KLC4: variants seen among roughly 807,000 people sequenced by gnomAD.
KLC4 encodes kinesin light chain 4, also known as kinesin-like protein 8.
Under a neutral mutation model 77.2 loss-of-function variants are expected in KLC4, and 49 were observed. That is an observed-to-expected ratio of 0.63 (90% confidence interval 0.50 to 0.80). The LOEUF (loss-of-function observed/expected upper bound fraction) is 0.80. Among genes scored for constraint, KLC4 ranks in the 30% least tolerant of loss-of-function variants. The pLI is 0.00. For synonymous variants in KLC4, 274 were observed against 314.5 expected (o/e 0.87, Z 1.36); for missense variants, 669 against 793.5 (o/e 0.84, Z 1.89).
At chr6:43,066,258 G>A (rs373480855) in intron 4 of KLC4, 48 bp from the exon 5 acceptor site, 38 of 1,511,090 alleles carry the variant, frequency 2.5e-5, no homozygotes, top group Non-Finnish European at 3.3e-5. Flanking sequence ...AGGGCAGACA[G>A]CAAAGGGGAG....
chr6:43,066,086 A>G (rs1186909538), intron 4 of KLC4, among the ~76,000 whole-genome samples: 1 of 152,210 alleles, frequency 6.6e-6, no homozygotes, highest in Non-Finnish European at 1.5e-5. Context: ...CTTATTAAAT[A>G]AATGTTTGTT....
Position 43,072,268 on chromosome 6 carries a change from G to C in KLC4, c.1488+13G>C, listed in dbSNP as rs1765772922. 6.3e-7 allele frequency: 1 copy of C among 1,594,028 alleles called. No homozygotes were observed. The highest frequency in any genetic ancestry group is 8.6e-7 in the Non-Finnish European group (1 of 1,161,772). On this transcript the variant is annotated intron_variant, in intron 12 of 15. Coordinates refer to ENST00000347162, the MANE Select transcript of KLC4 (RefSeq NM_201521.3). ...GTCCCGGAGACAGGTCAGAAGCCCA[G>C]AGGGGAAGGAGGTCCTAGAGGGAAG...
Position 43,072,241 on chromosome 6 carries a change from C to A in KLC4, c.1474C>A (p.Arg492=). The A allele has an allele frequency of 6.2e-7, 1 of 1,613,532 alleles. No individual in the cohort carries two copies. Among genetic ancestry groups the A allele is most frequent in the Non-Finnish European group, 8.5e-7 (1 of 1,179,572 alleles). Residue 492 remains arginine, a synonymous_variant, in exon 12 of 16, where the codon CGG becomes AGG. Transcript: ENST00000347162. ...AAETLEECAL[R]SRRQGTDPIS... is the part of the protein sequence containing the mutation. ...TGAGACCCTGGAGGAATGTGCCCTG[C>A]GGTCCCGGAGACAGGTCAGAAGCCC...
intron 7 of KLC4, 32 bp from the exon 8 acceptor site, chr6:43,070,657 CATA>C (rs753942054): frequency 6.3e-7 from 1 of 1,584,734 alleles, no homozygotes; most frequent in Non-Finnish European, 8.6e-7. Context: ...CACATGTTAT[CATA>C]GCCATTTATC....
rs754261145 is a variant in KLC4, at chr6:43,066,289, G to A, written c.572-17G>A. ...GGGAGAGGAAGAGTCCTTTGTTTAT[G>A]TTCTGTGATGGTTTAGTGTCCCGTG... On this transcript the variant is annotated splice_polypyrimidine_tract_variant and intron_variant, in intron 4 of 15. Transcript: ENST00000347162. 1.4e-4 allele frequency: 222 copies of A among 1,606,262 alleles called. No homozygotes were observed. The highest frequency in any genetic ancestry group is 1.6e-4 in the Non-Finnish European group (190 of 1,173,018).
Position 43,067,101 on chromosome 6 carries a change from T to TGCCCCCCCCC in KLC4, c.879+18_879+19insGCCCCCCCCC. ...ATCCTGCTGTCAGTATTCCTTGCCC[T>TGCCCCCCCCC]CCCCACCCCACGCCCCGCACCCCCC... On this transcript the variant is annotated intron_variant, in intron 6 of 15. Transcript: ENST00000347162. 1.3e-6 allele frequency: 2 copies of TGCCCCCCCCC among 1,584,700 alleles called. No individual in the cohort carries two copies. Among genetic ancestry groups the TGCCCCCCCCC allele is most frequent in the Non-Finnish European group, 1.7e-6 (2 of 1,155,616 alleles).
chr6:43,071,756 T>A, intron 10 of KLC4, 96 bp from the exon 11 acceptor site: 1 of 1,479,128 alleles, frequency 6.8e-7, no homozygotes, highest in South Asian at 1.2e-5. Flanking sequence ...CAGCCCAGCC[T>A]GCACCCTAGC....
chr6:43,071,696 A>ATCC, intron 10 of KLC4, 77 bp downstream of exon 10: 1 of 1,506,894 alleles, frequency 6.6e-7, no homozygotes, highest in Non-Finnish European at 9.2e-7. Flanking sequence ...GCATTAGCCC[A>ATCC]ACTCTCACTT....
intron 11 of KLC4, 52 bp from the exon 12 acceptor site, chr6:43,072,095 T>C (rs1172624132): frequency 6.6e-7 from 1 of 1,510,024 alleles, no homozygotes; most frequent in African/African-American, 1.4e-5. Context: ...GACAAATGTT[T>C]TGTTTTCTGA....
At chr6:43,071,453 G>A (rs1229714080) in intron 9 of KLC4, 79 bp downstream of exon 9, 29 of 1,533,322 alleles carry the variant, frequency 1.9e-5, no homozygotes, top group East Asian at 1.8e-4. Flanking sequence ...AGGCCACAGC[G>A]GTTCCCAGGG....
intron 6 of KLC4, among the ~76,000 whole-genome samples, chr6:43,068,020 G>C (rs1765530063): frequency 1.0e-5 from 1 of 97,908 alleles, no homozygotes; most frequent in South Asian, 3.5e-4. Flanking sequence ...GCTGAGGCAG[G>C]AGAATGGCGT....
chr6:43,074,770 C>A lies in KLC4; in HGVS notation c.*98C>A. 1.0e-6 allele frequency: 1 copy of A among 984,692 alleles called. No homozygotes were observed. Among genetic ancestry groups the A allele is most frequent in the Non-Finnish European group, 1.6e-6 (1 of 612,024 alleles). 61.0% of individuals were successfully genotyped at this position (984,692 alleles called of 1,614,324 possible). On this transcript the variant is annotated 3_prime_UTR_variant, in exon 16 of 16. Transcript: ENST00000347162. ...GGCTCTTCCCCACCCCTAGGTGGGA[C>A]AGTGAAGGGGAGCAGTTTAACCAGA...
chr6:43,064,656 C>T lies in KLC4; in HGVS notation c.490-964C>T, dbSNP rs1434278527. 4.6e-5 allele frequency among the ~76,000 whole-genome samples: 7 copies of T among 152,296 alleles called. No individual in the cohort carries two copies. In the East Asian group the frequency reaches 1.2e-3, roughly 25 times the overall value. On this transcript the variant is annotated intron_variant, in intron 3 of 15. Transcript: ENST00000347162. ...GTTCATGATGAGGAAGAGGGAGCAG[C>T]TTTTTAGACTGGAGTGCAGGGTGTC...
chr6:43,074,606 G>A lies in KLC4; in HGVS notation c.1810-16G>A, dbSNP rs201194823. On this transcript the variant is annotated splice_polypyrimidine_tract_variant and intron_variant, in intron 15 of 15. Coordinates refer to ENST00000347162, the MANE Select transcript of KLC4 (RefSeq NM_201521.3). ...CCGAGGTCCCTGAGCTGATGGGGTA[G>A]TGTTGTCTGTTTCAGGTCTCCCGGG... 1,922 of 1,613,642 alleles carry A rather than the reference G, an allele frequency of 1.2e-3. 3 individuals are homozygous for A. Among genetic ancestry groups the A allele is most frequent in the Non-Finnish European group, 1.5e-3 (1,751 of 1,179,532 alleles).
intron 1 of KLC4, 174 bp from the exon 2 acceptor site, chr6:43,061,137 C>A: frequency 1.5e-6 from 1 of 652,050 alleles, no homozygotes. Context: ...ACAACCTTAG[C>A]TTTGAGTTTA....
Position 43,066,451 on chromosome 6 carries a change from G to A in KLC4, c.717G>A (p.Glu239=). Residue 239 remains glutamate (E), a synonymous_variant, in exon 5 of 16, where the codon GAG becomes GAA. Transcript: ENST00000347162. The stretch of plus-strand genomic sequence containing the variant: ...TGCCACTCTGTAAGCAGGCACTAGA[G>A]GACCTGGAGCGCACATCAGGCCGTG... The part of the protein sequence containing the change: ...VAVPLCKQAL[E]DLERTSGRGH... The A allele has an allele frequency of 6.2e-7, 1 of 1,614,174 alleles. No individual in the cohort carries two copies. Among genetic ancestry groups the A allele is most frequent in the African/African-American group, 1.3e-5 (1 of 75,040 alleles).
chr6:43,064,308 A>T (rs1226250650), intron 3 of KLC4, among the ~76,000 whole-genome samples: 1 of 152,230 alleles, frequency 6.6e-6, no homozygotes, highest in Non-Finnish European at 1.5e-5. Flanking sequence ...GTCTAAGAAG[A>T]ATTCATAGAG....
At chr6:43,071,971 G>A (rs1386428431) in intron 11 of KLC4, 49 bp downstream of exon 11, 1 of 1,556,742 alleles carries the variant, frequency 6.4e-7, no homozygotes, top group Non-Finnish European at 8.8e-7. Context: ...CCTCCATCCA[G>A]TCCCTGCTCC....
rs866718898 is a variant in KLC4, at chr6:43,059,673, C to A, written c.-38C>A. On this transcript the variant is annotated 5_prime_UTR_variant, in exon 1 of 16. Coordinates refer to ENST00000347162, the MANE Select transcript of KLC4 (RefSeq NM_201521.3). ...GTACCGGCAAGAGCGGCAGCCACACCGGCAGATTGCAGGTGAGTCTTTGAG... is the reference window on the plus strand; with the variant it reads ...GTACCGGCAAGAGCGGCAGCCACACAGGCAGATTGCAGGTGAGTCTTTGAG... 4 of 1,341,104 alleles carry A rather than the reference C, an allele frequency of 3.0e-6. No homozygotes were observed. The South Asian group carries it at 6.0e-5, about 20-fold the overall frequency. The allele number at this position is 1,341,104 out of a possible 1,614,324, so 83.1% of individuals were successfully genotyped here. A position where few individuals can be genotyped will look rare whatever the true frequency, so the allele number is the denominator to read the frequency against.
Sources: gnomAD v4.1 joint callset for allele counts (sites outside exome capture counted in the v4.1 genomes callset) on GRCh38, gnomAD v4.1.1 for gene constraint, MANE v1.5 for transcripts, NCBI Gene and HGNC (gene_info 2026-07-23, HGNC 2026-07-21) for gene names.